The following MOB3B variants were observed in gnomAD, a reference collection of about 807,000 sequenced individuals.
MOB3B encodes the protein MOB kinase activator 3B.
MOB3B carries 7 observed loss-of-function variants against 18.7 expected under a neutral mutation model. The ratio of observed to expected loss-of-function variants is 0.37; its 90% CI spans 0.21 to 0.70. The LOEUF (loss-of-function observed/expected upper bound fraction) is 0.70. Among genes scored for constraint, MOB3B ranks in the 30% least tolerant of loss-of-function variants. The pLI, the probability that MOB3B is intolerant of heterozygous loss-of-function variation, is 0.52. For synonymous variants in MOB3B, 111 were observed against 99.9 expected, an observed-to-expected ratio of 1.11 and a Z score of -0.66; for missense variants, 253 against 281.3, an observed-to-expected ratio of 0.90 and a Z score of 0.72.
intron 1 of MOB3B, among the ~76,000 whole-genome samples, chr9:27,478,355 A>G (rs1290064057): frequency 3.9e-5 from 6 of 152,228 alleles, no homozygotes; most frequent in Admixed American, 3.9e-4. Context: ...ACTTACAGTA[A>G]GAGAATAATC....
intron 1 of MOB3B, among the ~76,000 whole-genome samples, chr9:27,527,173 C>G (rs1820448986): frequency 6.6e-6 from 1 of 152,088 alleles, no homozygotes; most frequent in Admixed American, 6.6e-5. Flanking sequence ...CCCTGTTTTC[C>G]TTAGCGGGGT....
intron 2 of MOB3B, among the ~76,000 whole-genome samples, chr9:27,426,922 C>T (rs1042953268): frequency 6.6e-6 from 1 of 152,168 alleles, no homozygotes; most frequent in Admixed American, 6.5e-5. Flanking sequence ...AGGCGGGATG[C>T]TTGATTTTTC....
chr9:27,481,974 T>G (rs1819664974), intron 1 of MOB3B, among the ~76,000 whole-genome samples: 2 of 149,172 alleles, frequency 1.3e-5, no homozygotes, highest in African/African-American at 5.0e-5. Flanking sequence ...AAGCAAACAC[T>G]GAAAAAAGGA....
At chr9:27,365,995 G>C (rs1159976910) in intron 2 of MOB3B, among the ~76,000 whole-genome samples, 1 of 152,196 alleles carries the variant, frequency 6.6e-6, no homozygotes, top group Non-Finnish European at 1.5e-5. Flanking sequence ...TCACCAGTTA[G>C]ACTCAAAGCA....
At chr9:27,462,810 T>G (rs1006121605) in intron 1 of MOB3B, among the ~76,000 whole-genome samples, 4 of 152,230 alleles carry the variant, frequency 2.6e-5, no homozygotes, top group African/African-American at 9.6e-5. Context: ...TGAGAACTTA[T>G]GTATGACATC....
At chr9:27,343,065 T>C (rs1820976191) in intron 3 of MOB3B, among the ~76,000 whole-genome samples, 1 of 151,756 alleles carries the variant, frequency 6.6e-6, no homozygotes, top group Admixed American at 6.6e-5. Flanking sequence ...GGAAAAGAGA[T>C]CAGATTGTTA....
At chr9:27,478,756 G>A (rs1819599697) in intron 1 of MOB3B, among the ~76,000 whole-genome samples, 2 of 149,960 alleles carry the variant, frequency 1.3e-5, no homozygotes, top group Non-Finnish European at 3.0e-5. Context: ...TAGCATTAAA[G>A]CAATACATAT....
At chr9:27,402,329 A>T (rs1821897556) in intron 2 of MOB3B, among the ~76,000 whole-genome samples, 2 of 152,214 alleles carry the variant, frequency 1.3e-5, no homozygotes, top group Non-Finnish European at 2.9e-5. Flanking sequence ...GCTCCATGAG[A>T]GCCTGGACTC....
chr9:27,348,611 C>A (rs753235403), intron 3 of MOB3B, among the ~76,000 whole-genome samples: 5 of 151,794 alleles, frequency 3.3e-5, no homozygotes, highest in Non-Finnish European at 5.9e-5. Flanking sequence ...CGAGATCATG[C>A]CACTGCACTC....
At chr9:27,404,296 A>G (rs1248672500) in intron 2 of MOB3B, among the ~76,000 whole-genome samples, 1 of 145,664 alleles carries the variant, frequency 6.9e-6, no homozygotes, top group Non-Finnish European at 1.5e-5. Flanking sequence ...ATAATATTCC[A>G]TTGTGCATAT....
chr9:27,479,259 C>T (rs1359310359), intron 1 of MOB3B, among the ~76,000 whole-genome samples: 2 of 152,130 alleles, frequency 1.3e-5, no homozygotes, highest in Non-Finnish European at 2.9e-5. Context: ...CTAAACTCAT[C>T]CTTTATAAGA....
chr9:27,378,738 G>T, intron 2 of MOB3B: 2 of 464,604 alleles, frequency 4.3e-6, no homozygotes, highest in South Asian at 3.1e-5. Flanking sequence ...CTGGGCATGT[G>T]ACCAAAGTGA....
rs1200178536 is a variant in MOB3B at position 27,328,654 on chromosome 9, CG to C, written c.*1932del. 2 of 152,136 alleles carry C rather than the reference CG, an allele frequency of 1.3e-5. No homozygotes were observed. The highest frequency in any genetic ancestry group is 4.8e-5 in the African/African-American group (2 of 41,430). The allele number at this position is 152,136 out of a possible 1,614,324, so 9.4% of individuals were successfully genotyped here. ...ACTTTTTAATGTAAAAATCCTGTGG[CG>C]TTCCATGATGCACAGCTACAGAGTT... On this transcript the variant is annotated 3_prime_UTR_variant, in exon 4 of 4. Coordinates refer to ENST00000262244, the MANE Select transcript of MOB3B (RefSeq NM_024761.5).
intron 1 of MOB3B, among the ~76,000 whole-genome samples, chr9:27,464,232 C>T (rs73437112): frequency 0.052 from 7,928 of 151,756 alleles, 639 homozygotes; most frequent in African/African-American, 0.17. Context: ...GTGGGGGGCA[C>T]GGTGGCAATG....
chr9:27,423,825 T>C (rs1337885135), intron 2 of MOB3B, among the ~76,000 whole-genome samples: 1 of 152,256 alleles, frequency 6.6e-6, no homozygotes, highest in Non-Finnish European at 1.5e-5. Context: ...ATCAATTATT[T>C]AGCTAGATCT....
At chr9:27,446,643 G>A (rs895485977) in intron 2 of MOB3B, among the ~76,000 whole-genome samples, 7 of 152,172 alleles carry the variant, frequency 4.6e-5, no homozygotes, top group African/African-American at 7.2e-5. Context: ...GTATCACACT[G>A]AGGCTGTGAT....
At chr9:27,422,914 A>G (rs1822276160) in intron 2 of MOB3B, among the ~76,000 whole-genome samples, 1 of 152,230 alleles carries the variant, frequency 6.6e-6, no homozygotes, top group Non-Finnish European at 1.5e-5. Flanking sequence ...TATCTGGTAT[A>G]TCTTGATAGG....
intron 1 of MOB3B, among the ~76,000 whole-genome samples, chr9:27,497,088 G>C (rs774683487): frequency 3.9e-5 from 6 of 152,170 alleles, no homozygotes; most frequent in African/African-American, 1.2e-4. Context: ...GACAAAAGCA[G>C]TCAAAGAATA....
chr9:27,414,150 G>C (rs564529732), intron 2 of MOB3B, among the ~76,000 whole-genome samples: 76 of 152,262 alleles, frequency 5.0e-4, no homozygotes, highest in African/African-American at 1.7e-3. Context: ...GGAAAACCTT[G>C]CTTTTCAAAG....
Sources: allele counts gnomAD v4.1 joint callset (sites outside exome capture counted in the v4.1 genomes callset), GRCh38; gene constraint gnomAD v4.1.1; transcripts MANE v1.5; gene names NCBI Gene and HGNC (gene_info 2026-07-23, HGNC 2026-07-21).